Variants in KAT2B observed in about 807,000 individuals in gnomAD.
The protein encoded by KAT2B is histone acetyltransferase KAT2B.
Under a neutral mutation model 105.9 loss-of-function variants are expected in KAT2B, and 36 were observed. The ratio of observed to expected loss-of-function variants is 0.34; its 90% CI spans 0.26 to 0.45. KAT2B has a LOEUF of 0.45. Among genes scored for constraint, KAT2B ranks in the 20% least tolerant of loss-of-function variants. The pLI is 1.00. For missense variants in KAT2B, 820 were observed against 1,021.6 expected, an observed-to-expected ratio of 0.80 and a Z score of 2.69; for synonymous variants, 397 against 377.9, an observed-to-expected ratio of 1.05 and a Z score of -0.59.
chr3:20,107,276 C>T (rs1381093907), intron 5 of KAT2B, among the ~76,000 whole-genome samples: 2 of 149,436 alleles, frequency 1.3e-5, no homozygotes, highest in East Asian at 4.0e-4. Flanking sequence ...AGTAATCTGC[C>T]CTCCTCGGCC....
At chr3:20,120,428 A>G (rs1699287882) in intron 8 of KAT2B, among the ~76,000 whole-genome samples, 1 of 151,918 alleles carries the variant, frequency 6.6e-6, no homozygotes, top group African/African-American at 2.4e-5. Flanking sequence ...GGTTTTTGCC[A>G]TATTGGTCAG....
rs761839145 is a variant in KAT2B, at chr3:20,095,421, C to A, written c.576+13C>A. On this transcript the variant is annotated intron_variant, in intron 3 of 17. Transcript: ENST00000263754. ...CTATCTATTTAAGGTGAGATTTTAACATTTTAAAAACATTTTCTCTCATTA... is the reference window on the plus strand; with the variant it reads ...CTATCTATTTAAGGTGAGATTTTAAAATTTTAAAAACATTTTCTCTCATTA... The A allele has an allele frequency of 1.3e-6, 2 of 1,549,534 alleles. No homozygotes were observed. Among genetic ancestry groups the A allele is most frequent in the Admixed American group, 1.7e-5 (1 of 57,626 alleles).
rs541882955 is a variant in KAT2B at position 20,108,725 on chromosome 3, G to A, written c.852-2871G>A. Among the ~76,000 whole-genome samples the A allele has an allele frequency of 2.7e-3, 418 of 152,182 alleles. 2 individuals carry two copies. Among genetic ancestry groups the A allele is most frequent in the Non-Finnish European group, 4.9e-3 (333 of 67,998 alleles). On this transcript the variant is annotated intron_variant, in intron 5 of 17. Coordinates refer to ENST00000263754, the MANE Select transcript of KAT2B (RefSeq NM_003884.5). Reference sequence around the variant, plus strand: ...ATAGGTCCGTGGCTCATTAGGAACCGGGCTGCACAGCAGGAAGTGAGTGGT... The same window carrying A: ...ATAGGTCCGTGGCTCATTAGGAACCAGGCTGCACAGCAGGAAGTGAGTGGT...
chr3:20,134,134 ACTTCATG>A (rs1446540969), intron 11 of KAT2B, among the ~76,000 whole-genome samples: 9 of 152,246 alleles, frequency 5.9e-5, no homozygotes, highest in African/African-American at 1.9e-4. Context: ...TCAGTCTTTT[ACTTCATG>A]CTTTTGCATT....
intron 14 of KAT2B, chr3:20,146,634 A>ATC (rs1575161336): frequency 4.7e-6 from 2 of 421,418 alleles, no homozygotes; most frequent in Middle Eastern, 6.4e-4. Context: ...GGGAGCTTAG[A>ATC]TGCCCCCTTG....
chr3:20,062,275 T>TATATA (rs1698143562), intron 1 of KAT2B, among the ~76,000 whole-genome samples: 2 of 70,834 alleles, frequency 2.8e-5, no homozygotes, highest in Admixed American at 2.2e-4. Context: ...TAATATATAA[T>TATATA]ATATAAAATA....
At chr3:20,056,619 G>A (rs956421730) in intron 1 of KAT2B, among the ~76,000 whole-genome samples, 7 of 152,180 alleles carry the variant, frequency 4.6e-5, no homozygotes, top group African/African-American at 1.7e-4. Flanking sequence ...TGGAGGAAAA[G>A]AGAAATATGG....
At chr3:20,052,774 G>C in intron 1 of KAT2B, among the ~76,000 whole-genome samples, 1 of 152,046 alleles carries the variant, frequency 6.6e-6, no homozygotes, top group East Asian at 1.9e-4. Flanking sequence ...TTGAGACCAG[G>C]CTGGCCAACA....
intron 2 of KAT2B, among the ~76,000 whole-genome samples, chr3:20,091,375 T>TC (rs1271122526): frequency 6.6e-6 from 1 of 152,064 alleles, no homozygotes; most frequent in Non-Finnish European, 1.5e-5. Context: ...TTATTTTGAG[T>TC]CTTCTCTTTT....
At position 20,069,618 on chromosome 3, in the gene KAT2B, C is replaced by T. The variant is rs557080749; in HGVS notation, c.304-2715C>T. Among the ~76,000 whole-genome samples, 29 of 151,586 alleles carry T rather than the reference C, an allele frequency of 1.9e-4. 1 individual carries two copies. In the East Asian group the frequency reaches 4.1e-3, roughly 21 times the overall value. On this transcript the variant is annotated intron_variant, in intron 1 of 17. Coordinates refer to ENST00000263754, the MANE Select transcript of KAT2B (RefSeq NM_003884.5). ...TCAGCTCACGGCAACCTCTGCCGCC[C>T]GGGTTCAAGTGATTCTCCTGCCTCA...
chr3:20,084,850 TA>T (rs1698585720), intron 2 of KAT2B, among the ~76,000 whole-genome samples: 1 of 152,198 alleles, frequency 6.6e-6, no homozygotes, highest in African/African-American at 2.4e-5. Flanking sequence ...TAATTCTGAT[TA>T]GTAATTAATT....
At chr3:20,098,569 A>G (rs1052555612) in intron 3 of KAT2B, among the ~76,000 whole-genome samples, 5 of 152,212 alleles carry the variant, frequency 3.3e-5, no homozygotes, top group Non-Finnish European at 2.9e-5. Flanking sequence ...CATCTTATAG[A>G]TAAACTGAAG....
intron 1 of KAT2B, among the ~76,000 whole-genome samples, chr3:20,058,200 G>A (rs973588993): frequency 2.0e-5 from 3 of 152,114 alleles, no homozygotes; most frequent in Non-Finnish European, 4.4e-5. Context: ...GCTCACGCCT[G>A]TAATCTCAGC....
At chr3:20,057,262 T>C (rs1391677104) in intron 1 of KAT2B, among the ~76,000 whole-genome samples, 1 of 152,110 alleles carries the variant, frequency 6.6e-6, no homozygotes, top group Admixed American at 6.5e-5. Context: ...GGCAAGCCTT[T>C]TTGTAAAACT....
chr3:20,062,252 A>G (rs1292377169), intron 1 of KAT2B, among the ~76,000 whole-genome samples: 1 of 18,902 alleles, frequency 5.3e-5, no homozygotes, highest in African/African-American at 3.1e-4. Context: ...TATAATATAT[A>G]AAATATGATA....
intron 2 of KAT2B, among the ~76,000 whole-genome samples, chr3:20,090,498 A>G (rs983882888): frequency 6.6e-6 from 1 of 152,194 alleles, no homozygotes; most frequent in Non-Finnish European, 1.5e-5. Flanking sequence ...AATTTGCTGT[A>G]TCAATTTATT....
In KAT2B at chr3:20,152,732, A is replaced by C. The variant is rs1699890898; in HGVS notation, c.*207A>C. 3 of 425,510 alleles carry C rather than the reference A, an allele frequency of 7.1e-6. No individual in the cohort carries two copies. The South Asian group carries it at 1.2e-4, about 17-fold the overall frequency. The allele number at this position is 425,510 out of a possible 1,614,324, so 26.4% of individuals were successfully genotyped here. A position where few individuals can be genotyped will look rare whatever the true frequency, so the allele number is the denominator to read the frequency against. ...ATAGGACATTTTTATTTTATGGAATAGATTTTAATCTATTTACTACTATTA... is the reference window on the plus strand; with the variant it reads ...ATAGGACATTTTTATTTTATGGAATCGATTTTAATCTATTTACTACTATTA... On this transcript the variant is annotated 3_prime_UTR_variant, in exon 18 of 18. Transcript: ENST00000263754.
At position 20,125,770 on chromosome 3, in the gene KAT2B, CAT is replaced by C. The variant is rs552050657; in HGVS notation, c.1414-134_1414-133del. On this transcript the variant is annotated intron_variant, in intron 9 of 17. Transcript: ENST00000263754. ...GTGTCTCTGTGTGTATGTGTGCACA[CAT>C]GTGTATTTAGGACTCTGAAAATCCA... 2.4e-3 allele frequency: 1,660 copies of C among 678,134 alleles called. 35 individuals are homozygous for C. In the South Asian group the frequency reaches 0.028, roughly 11 times the overall value. 42.0% of individuals were successfully genotyped at this position (678,134 alleles called of 1,614,324 possible).
intron 2 of KAT2B, among the ~76,000 whole-genome samples, chr3:20,090,115 G>A (rs1402827083): frequency 6.6e-6 from 1 of 152,090 alleles, no homozygotes; most frequent in Admixed American, 6.6e-5. Flanking sequence ...GGTGTCTTTA[G>A]GGTTTTCTGT....
Sources: gnomAD v4.1 joint callset for allele counts (sites outside exome capture counted in the v4.1 genomes callset) on GRCh38, gnomAD v4.1.1 for gene constraint, MANE v1.5 for transcripts, NCBI Gene and HGNC (gene_info 2026-07-23, HGNC 2026-07-21) for gene names.